GRK5: variants seen among roughly 807,000 people sequenced by gnomAD.
The protein encoded by GRK5 is G protein-coupled receptor kinase 5.
Under a neutral mutation model 78.4 loss-of-function variants are expected in GRK5, and 40 were observed. The ratio of observed to expected loss-of-function variants is 0.51; its 90% CI spans 0.40 to 0.66. The LOEUF (loss-of-function observed/expected upper bound fraction) is 0.66, where lower values mean the gene tolerates loss of function less well. GRK5 is among the 30% of genes least tolerant of loss of function. The probability of loss-of-function intolerance (pLI) is 0.00; values close to 1 mark genes in which losing one functional copy is unlikely to be tolerated. For missense variants in GRK5, 598 were observed against 759.9 expected (o/e 0.79, Z 2.50); for synonymous variants, 289 against 296.8 (o/e 0.97, Z 0.27).
In GRK5 at chr10:119,453,177, C is replaced by T. The variant is rs760745107; in HGVS notation, c.1575C>T (p.Asn525=). ...MIETECFKEL[N]VFGPNGTLPP... is the part of the protein sequence containing the mutation. ...AAACAGAATGCTTTAAGGAGCTGAA[C>T]GTGTTTGGACCTAATGGTACCCTCC... Residue 525 remains asparagine (N), a synonymous_variant, in exon 15 of 16, where the codon AAC becomes AAT. Transcript: ENST00000392870. 3.2e-6 allele frequency: 5 copies of T among 1,564,762 alleles called. No homozygotes were observed. Among genetic ancestry groups the T allele is most frequent in the Admixed American group, 1.7e-5 (1 of 59,924 alleles).
At chr10:119,328,734 A>C (rs1007240106) in intron 2 of GRK5, among the ~76,000 whole-genome samples, 3 of 152,218 alleles carry the variant, frequency 2.0e-5, no homozygotes, top group African/African-American at 7.2e-5. Context: ...AGCATCTCCA[A>C]GGGGAGCAAT....
chr10:119,271,591 C>T lies in GRK5; in HGVS notation c.53-54925C>T, dbSNP rs977306829. On this transcript the variant is annotated intron_variant, in intron 1 of 15. Transcript: ENST00000392870. The surrounding 1 kb of genome is among the most constrained non-coding windows in gnomAD (Gnocchi z 4.1). The stretch of plus-strand genomic sequence containing the variant: ...CCTGAAGACCTTGGATGGTCCGGAG[C>T]TCGTAAATGACTCACCCCATCAGTG... 3.9e-5 allele frequency among the ~76,000 whole-genome samples: 6 copies of T among 152,296 alleles called. No homozygotes were observed. The highest frequency in any genetic ancestry group is 1.4e-4 in the African/African-American group (6 of 41,560).
chr10:119,341,475 C>G (rs1359875996), intron 2 of GRK5, among the ~76,000 whole-genome samples: 1 of 152,228 alleles, frequency 6.6e-6, no homozygotes, highest in Non-Finnish European at 1.5e-5. Flanking sequence ...GGATACACTT[C>G]CCTAACCCTG....
intron 1 of GRK5, among the ~76,000 whole-genome samples, chr10:119,222,610 T>C (rs1003537853): frequency 5.9e-5 from 9 of 152,164 alleles, no homozygotes; most frequent in African/African-American, 1.9e-4. Flanking sequence ...CCTCCTGCTC[T>C]GCCTCCCTCC....
intron 3 of GRK5, among the ~76,000 whole-genome samples, chr10:119,392,927 G>C (rs1366062891): frequency 6.6e-6 from 1 of 152,240 alleles, no homozygotes; most frequent in South Asian, 2.1e-4. Context: ...CTTACTTGCT[G>C]CTTACGTTTG....
chr10:119,383,716 C>T (rs928493309), intron 3 of GRK5, among the ~76,000 whole-genome samples: 2 of 152,194 alleles, frequency 1.3e-5, no homozygotes, highest in African/African-American at 4.8e-5. Flanking sequence ...GGGGCCTCTC[C>T]AGGTTGGCTT....
chr10:119,288,722 A>T (rs73432820), intron 1 of GRK5, among the ~76,000 whole-genome samples: 2,802 of 152,196 alleles, frequency 0.018, 81 homozygotes, highest in African/African-American at 0.064. Context: ...GGGGTGGTTG[A>T]TTCCCAGGGC....
chr10:119,291,803 C>T (rs118056855), intron 1 of GRK5, among the ~76,000 whole-genome samples: 2,795 of 150,476 alleles, frequency 0.019, 59 homozygotes, highest in East Asian at 0.047. Flanking sequence ...TTCTCTTCCT[C>T]CTCATCCTGC....
At position 119,278,595 on chromosome 10, in the gene GRK5, A is replaced by G. The variant is rs542512045; in HGVS notation, c.53-47921A>G. On this transcript the variant is annotated intron_variant, in intron 1 of 15. Coordinates refer to ENST00000392870, the MANE Select transcript of GRK5 (RefSeq NM_005308.3). ...GGGATCGGATGTCCAGAAGAGACAG[A>G]TCTGAGCACGTCTCTTTCCTCTCCC... is the stretch of plus-strand genomic sequence containing the variant. Among the ~76,000 whole-genome samples, 3 of 152,208 alleles carry G rather than the reference A, an allele frequency of 2.0e-5. No individual in the cohort carries two copies. In the East Asian group the frequency reaches 5.8e-4, roughly 29 times the overall value.
In GRK5 at chr10:119,457,683, ATTTTTTTTTTTTT is replaced by A. The variant is rs145158697; in HGVS notation, c.*2625_*2637del. On this transcript the variant is annotated 3_prime_UTR_variant, in exon 16 of 16. Transcript: ENST00000392870. ...CTCCAACCTTGGTTTCTATAGCTGC[ATTTTTTTTTTTTT>A]TTTTTTTTGAGACAAGATCTCATTG... is the stretch of plus-strand genomic sequence containing the variant. 1.8e-5 allele frequency: 2 copies of A among 110,736 alleles called. No homozygotes were observed. Among genetic ancestry groups the A allele is most frequent in the South Asian group, 3.2e-4 (1 of 3,112 alleles). The allele number at this position is 110,736 out of a possible 1,614,324, so 6.9% of individuals were successfully genotyped here. A position where few individuals can be genotyped will look rare whatever the true frequency, so the allele number is the denominator to read the frequency against.
chr10:119,240,375 G>C (rs1191046786), intron 1 of GRK5, among the ~76,000 whole-genome samples: 1 of 151,114 alleles, frequency 6.6e-6, no homozygotes, highest in Non-Finnish European at 1.5e-5. Context: ...TAATTTTTTT[G>C]TATTTTTAGT....
intron 9 of GRK5, among the ~76,000 whole-genome samples, chr10:119,437,564 T>C (rs1852947507): frequency 6.6e-6 from 1 of 152,220 alleles, no homozygotes; most frequent in South Asian, 2.1e-4. Context: ...TCCAGTGGAA[T>C]CTCTAGTTGC....
At chr10:119,355,835 G>C (rs1316008136) in intron 2 of GRK5, among the ~76,000 whole-genome samples, 1 of 152,134 alleles carries the variant, frequency 6.6e-6, no homozygotes, top group Non-Finnish European at 1.5e-5. Flanking sequence ...ATAATTTGTA[G>C]AGGTATCAAG....
At chr10:119,301,551 G>A (rs1229403624) in intron 1 of GRK5, among the ~76,000 whole-genome samples, 3 of 152,200 alleles carry the variant, frequency 2.0e-5, no homozygotes, top group Non-Finnish European at 4.4e-5. Flanking sequence ...CAGCACAGAG[G>A]TGGCTCTAGA....
At chr10:119,380,623 TC>T (rs1333944614) in intron 2 of GRK5, among the ~76,000 whole-genome samples, 191 bp from the exon 3 acceptor site, 4 of 152,176 alleles carry the variant, frequency 2.6e-5, no homozygotes, top group Non-Finnish European at 5.9e-5. Flanking sequence ...GGCTGGGTCA[TC>T]ACTGGTGCCT....
At chr10:119,220,799 C>T (rs1164108916) in intron 1 of GRK5, among the ~76,000 whole-genome samples, 1 of 149,050 alleles carries the variant, frequency 6.7e-6, no homozygotes, top group African/African-American at 2.5e-5. Context: ...CGCGCCACTG[C>T]ACTCCAGCCT....
At chr10:119,387,351 G>A (rs1825654007) in intron 3 of GRK5, among the ~76,000 whole-genome samples, 1 of 152,196 alleles carries the variant, frequency 6.6e-6, no homozygotes, top group African/African-American at 2.4e-5. Context: ...GTGGAAGGCT[G>A]CAGCTGTTTT....
At chr10:119,305,468 G>A (rs1460079571) in intron 1 of GRK5, among the ~76,000 whole-genome samples, 1 of 152,186 alleles carries the variant, frequency 6.6e-6, no homozygotes, top group Non-Finnish European at 1.5e-5. Flanking sequence ...TGTCCTCTTG[G>A]GTGGAAGCCC....
intron 2 of GRK5, among the ~76,000 whole-genome samples, chr10:119,348,534 T>C (rs1851139367): frequency 6.6e-6 from 1 of 152,176 alleles, no homozygotes; most frequent in Non-Finnish European, 1.5e-5. Context: ...CCTTGAGGAA[T>C]GAGAACAGAA....
Sources: gnomAD v4.1 joint callset for allele counts (sites outside exome capture counted in the v4.1 genomes callset) on GRCh38, gnomAD v4.1.1 for gene constraint, Gnocchi (gnomAD v3.1) non-coding constraint, MANE v1.5 for transcripts, NCBI Gene and HGNC (gene_info 2026-07-23, HGNC 2026-07-21) for gene names.